The following FMN2 variants were observed in gnomAD, a reference collection of about 807,000 sequenced individuals.
The protein encoded by FMN2 is formin 2, also known as formin-2.
A neutral mutation model predicts 142.3 loss-of-function variants in FMN2; 51 were observed. The ratio of observed to expected loss-of-function variants is 0.36; its 90% CI spans 0.29 to 0.45. The LOEUF (loss-of-function observed/expected upper bound fraction) is 0.45, where lower values mean the gene tolerates loss of function less well. Ranked by LOEUF, FMN2 falls within the 20% of genes least tolerant of loss-of-function variation. The pLI, the probability that FMN2 is intolerant of heterozygous loss-of-function variation, is 1.00. For synonymous variants in FMN2, 882 were observed against 869.8 expected (o/e 1.01, Z -0.25); for missense variants, 1,936 against 2,122.8 (o/e 0.91, Z 1.73).
intron 8 of FMN2, among the ~76,000 whole-genome samples, chr1:240,304,358 T>C (rs1303843210): frequency 6.6e-6 from 1 of 152,202 alleles, no homozygotes; most frequent in Non-Finnish European, 1.5e-5. Context: ...TTTTTATTTG[T>C]TGTTTTTTGA....
chr1:240,361,926 A>G (rs1352318712), intron 14 of FMN2, among the ~76,000 whole-genome samples: 5 of 152,252 alleles, frequency 3.3e-5, no homozygotes, highest in African/African-American at 1.2e-4. Context: ...AAATTGGCAG[A>G]TGAATTTGTT....
intron 2 of FMN2, among the ~76,000 whole-genome samples, chr1:240,157,908 A>G (rs1664091882): frequency 6.6e-6 from 1 of 150,816 alleles, no homozygotes; most frequent in Admixed American, 6.6e-5. Context: ...AGCCTGAGGC[A>G]GGAGAATCAC....
At chr1:240,450,025 C>CT (rs1476067690) in intron 16 of FMN2, among the ~76,000 whole-genome samples, 1 of 151,942 alleles carries the variant, frequency 6.6e-6, no homozygotes, top group Non-Finnish European at 1.5e-5. Flanking sequence ...CATTTTATAA[C>CT]TCAAAGTTAT....
chr1:240,226,670 AGTGAGCTATGATCGTGCCACT>A (rs1667312502), intron 6 of FMN2, among the ~76,000 whole-genome samples: 1 of 152,192 alleles, frequency 6.6e-6, no homozygotes, highest in African/African-American at 2.4e-5. Context: ...TTGTGGCTGC[AGTGAGCTATGATCGTGCCACT>A]GTACTCCTGC....
intron 6 of FMN2, among the ~76,000 whole-genome samples, chr1:240,223,350 G>A (rs1450431868): frequency 6.6e-6 from 1 of 152,132 alleles, no homozygotes; most frequent in Non-Finnish European, 1.5e-5. Context: ...GATCATGGTG[G>A]ATAAGCTTTT....
At chr1:240,267,939 T>A (rs2102914573) in intron 7 of FMN2, among the ~76,000 whole-genome samples, 1 of 152,150 alleles carries the variant, frequency 6.6e-6, no homozygotes, top group Non-Finnish European at 1.5e-5. Context: ...ATCAGAGAAA[T>A]GCAAATCCAA....
intron 6 of FMN2, among the ~76,000 whole-genome samples, chr1:240,251,970 G>A (rs1381455284): frequency 1.3e-5 from 2 of 152,130 alleles, no homozygotes; most frequent in African/African-American, 2.4e-5. Context: ...GGGCAGTGAC[G>A]CTATCTCGGC....
chr1:240,445,587 G>C (rs1017669256), intron 16 of FMN2, among the ~76,000 whole-genome samples: 1 of 152,156 alleles, frequency 6.6e-6, no homozygotes, highest in African/African-American at 2.4e-5. Flanking sequence ...TTCCAAGAAA[G>C]ATGGGGGCCA....
intron 2 of FMN2, among the ~76,000 whole-genome samples, chr1:240,154,107 CAAAAAAAA>C (rs3047182): frequency 0.022 from 1,220 of 55,322 alleles, 36 homozygotes; most frequent in Middle Eastern, 0.069. Flanking sequence ...GAGATTCCAT[CAAAAAAAA>C]AAAAAAAAAA....
intron 1 of FMN2, among the ~76,000 whole-genome samples, chr1:240,116,067 C>A (rs898250126): frequency 1.3e-5 from 2 of 152,202 alleles, no homozygotes; most frequent in Non-Finnish European, 2.9e-5. Flanking sequence ...TAATGATTAT[C>A]TTTGGCATAT....
intron 2 of FMN2, among the ~76,000 whole-genome samples, chr1:240,151,594 C>T (rs563053991): frequency 2.6e-5 from 4 of 152,090 alleles, no homozygotes; most frequent in East Asian, 1.9e-4. Flanking sequence ...AATGCAGTTT[C>T]GTACAGTATT....
chr1:240,140,043 G>A (rs1335969443), intron 2 of FMN2, among the ~76,000 whole-genome samples: 2 of 152,182 alleles, frequency 1.3e-5, no homozygotes, highest in Non-Finnish European at 2.9e-5. Context: ...CTGCTGGAGG[G>A]TGTGGCCTGG....
At chr1:240,280,482 C>A (rs1303397416) in intron 7 of FMN2, among the ~76,000 whole-genome samples, 1 of 152,092 alleles carries the variant, frequency 6.6e-6, no homozygotes, top group African/African-American at 2.4e-5. Context: ...TATCACTGTG[C>A]CCCTTTTAGA....
At chr1:240,144,443 T>C in intron 2 of FMN2, 1 of 1,591,088 alleles carries the variant, frequency 6.3e-7, no homozygotes. Context: ...CTCATACTCC[T>C]TGACATCTTC....
intron 6 of FMN2, among the ~76,000 whole-genome samples, chr1:240,256,349 T>C (rs975592323): frequency 1.3e-5 from 2 of 152,212 alleles, no homozygotes; most frequent in African/African-American, 4.8e-5. Context: ...AAATGTTTAG[T>C]TAACATTTAG....
At chr1:240,160,829 G>A (rs965507433) in intron 2 of FMN2, among the ~76,000 whole-genome samples, 1 of 151,958 alleles carries the variant, frequency 6.6e-6, no homozygotes, top group African/African-American at 2.4e-5. Context: ...GATTGTATAT[G>A]TAAAAATTTC....
At chr1:240,231,605 G>T (rs1667527574) in intron 6 of FMN2, among the ~76,000 whole-genome samples, 1 of 152,150 alleles carries the variant, frequency 6.6e-6, no homozygotes, top group Non-Finnish European at 1.5e-5. Flanking sequence ...TGTTTAATCT[G>T]GCATGATTTG....
intron 13 of FMN2, among the ~76,000 whole-genome samples, chr1:240,354,311 A>G (rs1446021754): frequency 1.3e-5 from 2 of 152,256 alleles, no homozygotes; most frequent in South Asian, 2.1e-4. Context: ...GGAGGCAAAA[A>G]CAACAGGATG....
intron 2 of FMN2, among the ~76,000 whole-genome samples, chr1:240,129,665 G>T (rs951298665): frequency 9.9e-5 from 15 of 151,936 alleles, no homozygotes; most frequent in Non-Finnish European, 1.2e-4. Context: ...ACCATGGCCA[G>T]CTAATTTTTG....
Sources: gnomAD v4.1 joint callset for allele counts (sites outside exome capture counted in the v4.1 genomes callset) on GRCh38, gnomAD v4.1.1 for gene constraint, MANE v1.5 for transcripts, NCBI Gene and HGNC (gene_info 2026-07-23, HGNC 2026-07-21) for gene names.